Variants in NDNF observed in about 807,000 individuals in gnomAD.
NDNF encodes the protein protein NDNF.
Under a neutral mutation model 42.0 loss-of-function variants are expected in NDNF, and 16 were observed. That is an observed-to-expected ratio of 0.38 (90% CI 0.26 to 0.58). The LOEUF (loss-of-function observed/expected upper bound fraction) is 0.58, where lower values mean the gene tolerates loss of function less well. Among genes scored for constraint, NDNF ranks in the 20% least tolerant of loss-of-function variants. NDNF has a pLI of 0.67. For synonymous variants in NDNF, 248 were observed against 251.7 expected (o/e 0.99, Z 0.14); for missense variants, 616 against 666.2 (o/e 0.92, Z 0.83).
chr4:121,051,643 G>A (rs1285450156), intron 1 of NDNF, among the ~76,000 whole-genome samples: 1 of 152,086 alleles, frequency 6.6e-6, no homozygotes, highest in African/African-American at 2.4e-5. Context: ...CTGTCATTTT[G>A]CAAAATTTAT....
chr4:121,045,759 C>T lies in NDNF; in HGVS notation c.79G>A (p.Glu27Lys), dbSNP rs1406153824. The T allele has an allele frequency of 3.7e-6, 6 of 1,614,198 alleles. No homozygotes were observed. Among genetic ancestry groups the T allele is most frequent in the South Asian group, 3.3e-5 (3 of 91,082 alleles). ...SRTQKLPTRD[E>K]ELFQMQIRDK... ...CGGATCTGCATCTGAAAAAGTTCCT[C>T]ATCCCGGGTGGGTAACTTCTGGGTC... Residue 27 changes from glutamate to lysine, a missense_variant, in exon 2 of 4, where the codon GAG (glutamate) becomes AAG (lysine). Transcript: ENST00000379692.
At chr4:121,045,300 C>T (rs1158384621) in intron 2 of NDNF, among the ~76,000 whole-genome samples, 1 of 151,086 alleles carries the variant, frequency 6.6e-6, no homozygotes, top group African/African-American at 2.4e-5. Flanking sequence ...TGCAGTCAGC[C>T]GAGATTGTGC....
At chr4:121,044,301 C>T (rs1421066774) in intron 2 of NDNF, among the ~76,000 whole-genome samples, 2 of 152,110 alleles carry the variant, frequency 1.3e-5, no homozygotes, top group Non-Finnish European at 2.9e-5. Flanking sequence ...TGATATATCT[C>T]AATCTCTAGA....
At chr4:121,048,174 C>T (rs1727127338) in intron 1 of NDNF, among the ~76,000 whole-genome samples, 1 of 152,134 alleles carries the variant, frequency 6.6e-6, no homozygotes, top group South Asian at 2.1e-4. Flanking sequence ...TAGTACCATC[C>T]CCAAAACTTG....
Position 121,040,039 on chromosome 4 carries a change from AACC to A in NDNF, c.201_203del (p.Val68del). On this transcript the variant is annotated inframe_deletion, in exon 3 of 4. Transcript: ENST00000379692. ...CTGATAATGGAGTATTGTCTTCTTC[AACC>A]ACAAAGAAATACCTGTGGGAAAGTG... 1 of 1,613,598 alleles carries A rather than the reference AACC, an allele frequency of 6.2e-7. No homozygotes were observed. Among genetic ancestry groups the A allele is most frequent in the Non-Finnish European group, 8.5e-7 (1 of 1,179,812 alleles).
intron 1 of NDNF, chr4:121,071,777 A>AAAT (rs1553925739): frequency 1.3e-5 from 2 of 151,658 alleles, no homozygotes; most frequent in African/African-American, 4.9e-5. Context: ...AATAAAAAAA[A>AAAT]AAAAACGAGG....
intron 1 of NDNF, among the ~76,000 whole-genome samples, chr4:121,067,666 T>C (rs374808550): frequency 3.9e-5 from 6 of 152,200 alleles, no homozygotes; most frequent in African/African-American, 1.4e-4. Context: ...TATCCCAAAG[T>C]GAAAAATCTA....
In NDNF at chr4:121,039,210, A is replaced by ATGTATGTG. The variant is rs1560603303; in HGVS notation, c.313+719_313+720insCACATACA. Among the ~76,000 whole-genome samples, 31 of 41,882 alleles carry ATGTATGTG rather than the reference A, an allele frequency of 7.4e-4. 2 individuals are homozygous for ATGTATGTG. Among genetic ancestry groups the ATGTATGTG allele is most frequent in the Non-Finnish European group, 2.0e-3 (28 of 13,798 alleles). 27.5% of individuals were successfully genotyped at this position (41,882 alleles called of 152,430 possible). A position where few individuals can be genotyped will look rare whatever the true frequency, so the allele number is the denominator to read the frequency against. ...TGTGTGTGTATATATATATATATAT[A>ATGTATGTG]TATATATATATATATATATATATAT... On this transcript the variant is annotated intron_variant, in intron 3 of 3. Coordinates refer to ENST00000379692, the MANE Select transcript of NDNF (RefSeq NM_024574.4).
chr4:121,057,468 C>T (rs1236796145), intron 1 of NDNF, among the ~76,000 whole-genome samples: 5 of 152,130 alleles, frequency 3.3e-5, no homozygotes. Flanking sequence ...TGCCAAGCCA[C>T]AGGGACTGGA....
At chr4:121,055,867 G>T (rs1271740450) in intron 1 of NDNF, among the ~76,000 whole-genome samples, 2 of 152,114 alleles carry the variant, frequency 1.3e-5, no homozygotes, top group African/African-American at 2.4e-5. Context: ...TAAGTGAAGG[G>T]ATGCATATTA....
At position 121,037,395 on chromosome 4, in the gene NDNF, G is replaced by A; in HGVS notation, c.576C>T (p.Val192=). Residue 192 remains valine (V), a synonymous_variant, in exon 4 of 4, where the codon GTC becomes GTT. Transcript: ENST00000379692. ...VDVTSLGRTT[V]TLAWKPSPTA... ...TGGGGCTTGGTTTCCAGGCCAAAGT[G>A]ACCGTGGTGCGCCCCAGTGAGGTCA... 1.9e-6 allele frequency: 3 copies of A among 1,614,152 alleles called. No homozygotes were observed. The highest frequency in any genetic ancestry group is 2.5e-6 in the Non-Finnish European group (3 of 1,180,030).
chr4:121,063,383 T>C (rs1727446498), intron 1 of NDNF, among the ~76,000 whole-genome samples: 1 of 152,224 alleles, frequency 6.6e-6, no homozygotes, highest in Admixed American at 6.5e-5. Context: ...TTTTATTATT[T>C]CCTTTTTCCG....
intron 1 of NDNF, among the ~76,000 whole-genome samples, chr4:121,063,705 G>C (rs1002881205): frequency 2.6e-5 from 4 of 152,070 alleles, no homozygotes; most frequent in Non-Finnish European, 5.9e-5. Context: ...TGTCGGGGGG[G>C]CCATGGGAGG....
intron 1 of NDNF, among the ~76,000 whole-genome samples, chr4:121,057,568 T>C (rs1439740253): frequency 6.6e-6 from 1 of 152,208 alleles, no homozygotes; most frequent in African/African-American, 2.4e-5. Flanking sequence ...CCAGATGCTC[T>C]GACGTCCATT....
chr4:121,054,322 CTCAT>C (rs1234204750), intron 1 of NDNF, among the ~76,000 whole-genome samples: 4 of 152,104 alleles, frequency 2.6e-5, no homozygotes, highest in Non-Finnish European at 4.4e-5. Context: ...AGCATTTCTA[CTCAT>C]TCATTATTTT....
chr4:121,052,721 C>A (rs1727221145), intron 1 of NDNF, among the ~76,000 whole-genome samples: 1 of 152,154 alleles, frequency 6.6e-6, no homozygotes. Flanking sequence ...CAACATGTGC[C>A]AGCGTGGATG....
At chr4:121,070,671 G>A (rs1727576063) in intron 1 of NDNF, among the ~76,000 whole-genome samples, 1 of 152,206 alleles carries the variant, frequency 6.6e-6, no homozygotes, top group Non-Finnish European at 1.5e-5. Context: ...ATCGACAGAT[G>A]AGAAGCAAAT....
rs191870335 is a variant in NDNF, at chr4:121,049,973, A to G, written c.-1-4135T>C. The stretch of plus-strand genomic sequence containing the variant: ...TAATAACATGCAACTACTGTTGGGG[A>G]AAAACTTAAATATTAGGGAGCACTG... On this transcript the variant is annotated intron_variant, in intron 1 of 3. Coordinates refer to ENST00000379692, the MANE Select transcript of NDNF (RefSeq NM_024574.4). Among the ~76,000 whole-genome samples the G allele has an allele frequency of 3.1e-3, 473 of 152,372 alleles. 2 individuals are homozygous for G. The highest frequency in any genetic ancestry group is 5.6e-3 in the Non-Finnish European group (384 of 68,038).
rs766359001 is a variant in NDNF at position 121,045,879 on chromosome 4, A to G, written c.-1-41T>C. The G allele has an allele frequency of 1.9e-6, 3 of 1,582,008 alleles. No individual in the cohort carries two copies. The East Asian group carries it at 6.7e-5, about 36-fold the overall frequency. On this transcript the variant is annotated intron_variant, in intron 1 of 3. Transcript: ENST00000379692. ...TGACTACTTTATTAGTTCTGCAGGC[A>G]GACACTCAGGCAAGTCACAGACTTT...
Sources: allele counts gnomAD v4.1 joint callset (sites outside exome capture counted in the v4.1 genomes callset), GRCh38; gene constraint gnomAD v4.1.1; transcripts MANE v1.5; gene names NCBI Gene and HGNC (gene_info 2026-07-23, HGNC 2026-07-21).